Variants in SH3BGRL2 observed in about 807,000 individuals in gnomAD.
The protein encoded by SH3BGRL2 is SH3 domain-binding glutamic acid-rich-like protein 2.
Under a neutral mutation model 14.8 loss-of-function variants are expected in SH3BGRL2, and 21 were observed. The observed-to-expected ratio is 1.42, with a 90% confidence interval of 1.01 to 2.05. The LOEUF is 2.05. SH3BGRL2 is among the 30% of genes most tolerant of loss of function. SH3BGRL2 has a pLI of 0.00. For missense variants in SH3BGRL2, 147 were observed against 130.8 expected (o/e 1.12, Z -0.61); for synonymous variants, 50 against 47.8 (o/e 1.05, Z -0.19).
chr6:79,692,821 G>T (rs1476024024), intron 2 of SH3BGRL2, among the ~76,000 whole-genome samples: 1 of 152,128 alleles, frequency 6.6e-6, no homozygotes, highest in Admixed American at 6.6e-5. Flanking sequence ...TTTGGCTTAG[G>T]ATTGACTTGG....
chr6:79,625,682 G>T, the SH3BGRL2 span, among the ~76,000 whole-genome samples: 1 of 152,110 alleles, frequency 6.6e-6, no homozygotes, highest in Non-Finnish European at 1.5e-5. Context: ...TATTTTGCAT[G>T]ATTAATAATA....
chr6:79,654,931 CT>C (rs1375109712), intron 1 of SH3BGRL2, among the ~76,000 whole-genome samples: 1 of 152,110 alleles, frequency 6.6e-6, no homozygotes, highest in African/African-American at 2.4e-5. Flanking sequence ...GGTTTACATC[CT>C]AGCAGGAAGG....
At chr6:79,564,175 G>A in the SH3BGRL2 span, among the ~76,000 whole-genome samples, 18 of 149,332 alleles carry the variant, frequency 1.2e-4, no homozygotes, top group East Asian at 9.7e-4. Context: ...TATATCTAAC[G>A]ACTTGTGTAT....
At chr6:79,544,262 C>A in the SH3BGRL2 span, among the ~76,000 whole-genome samples, 1 of 152,072 alleles carries the variant, frequency 6.6e-6, no homozygotes. Context: ...CTAGAGCAAG[C>A]CAATGGAGTT....
chr6:79,673,521 T>G (rs1210070794), intron 1 of SH3BGRL2, 93 bp from the exon 2 acceptor site: 3 of 1,285,900 alleles, frequency 2.3e-6, no homozygotes, highest in Middle Eastern at 2.2e-4. Flanking sequence ...CCTCTTTTTT[T>G]GTATCAATGA....
chr6:79,572,675 C>T, the SH3BGRL2 span, among the ~76,000 whole-genome samples: 14 of 152,162 alleles, frequency 9.2e-5, no homozygotes, highest in African/African-American at 3.1e-4. Flanking sequence ...CTGTGTTAGC[C>T]AGGATGGTCT....
chr6:79,603,209 T>C, the SH3BGRL2 span, among the ~76,000 whole-genome samples: 1 of 152,176 alleles, frequency 6.6e-6, no homozygotes, highest in East Asian at 1.9e-4. Context: ...AGGGTGACTC[T>C]AAGTAAAAAT....
At chr6:79,668,467 G>C (rs1169213282) in intron 1 of SH3BGRL2, among the ~76,000 whole-genome samples, 1 of 152,068 alleles carries the variant, frequency 6.6e-6, no homozygotes, top group Non-Finnish European at 1.5e-5. Flanking sequence ...GAGGGCTTGG[G>C]TGCAGGCATT....
chr6:79,613,474 A>G, the SH3BGRL2 span, among the ~76,000 whole-genome samples: 2 of 152,156 alleles, frequency 1.3e-5, no homozygotes, highest in African/African-American at 4.8e-5. Flanking sequence ...GTAGAGTTAT[A>G]CCCTTTCTCA....
At chr6:79,671,993 T>C (rs1418112455) in intron 1 of SH3BGRL2, among the ~76,000 whole-genome samples, 1 of 152,248 alleles carries the variant, frequency 6.6e-6, no homozygotes, top group Non-Finnish European at 1.5e-5. Flanking sequence ...AGGTTTTACC[T>C]GTTTTGTTTT....
At chr6:79,642,047 A>G (rs1004553188) in intron 1 of SH3BGRL2, among the ~76,000 whole-genome samples, 1 of 152,162 alleles carries the variant, frequency 6.6e-6, no homozygotes, top group African/African-American at 2.4e-5. Context: ...CACTCCCTAT[A>G]AAGTGCTTAC....
At chr6:79,592,617 A>C in the SH3BGRL2 span, among the ~76,000 whole-genome samples, 1 of 152,144 alleles carries the variant, frequency 6.6e-6, no homozygotes, top group Admixed American at 6.5e-5. Flanking sequence ...TCAAGATAAA[A>C]ATGGAAAGAT....
intron 2 of SH3BGRL2, among the ~76,000 whole-genome samples, chr6:79,689,793 A>C (rs1474448157): frequency 6.6e-6 from 1 of 152,212 alleles, no homozygotes. Context: ...AAATATAAAC[A>C]TTAAGTCTCA....
intron 1 of SH3BGRL2, among the ~76,000 whole-genome samples, chr6:79,649,985 T>TCTCTCACACACA (rs765159303): frequency 1.3e-4 from 18 of 141,980 alleles, no homozygotes; most frequent in Non-Finnish European, 2.7e-4. Flanking sequence ...TCTCTCTCTC[T>TCTCTCACACACA]CACACACACA....
At chr6:79,651,657 A>G (rs751195953) in intron 1 of SH3BGRL2, among the ~76,000 whole-genome samples, 1 of 152,186 alleles carries the variant, frequency 6.6e-6, no homozygotes, top group East Asian at 1.9e-4. Flanking sequence ...CCTGACTGAG[A>G]CCCATGGGGG....
the SH3BGRL2 span, among the ~76,000 whole-genome samples, chr6:79,613,353 G>A: frequency 6.6e-6 from 1 of 152,178 alleles, no homozygotes; most frequent in Non-Finnish European, 1.5e-5. Context: ...TCATGACCAA[G>A]TGAAGAAAGA....
At chr6:79,630,261 G>A (rs1169417153), upstream of SH3BGRL2, among the ~76,000 whole-genome samples, 1 of 152,106 alleles carries the variant, frequency 6.6e-6, no homozygotes, top group Non-Finnish European at 1.5e-5. Flanking sequence ...ATTGCTCTTT[G>A]TGCAAGAAAT....
At chr6:79,579,681 G>C in the SH3BGRL2 span, among the ~76,000 whole-genome samples, 2 of 152,164 alleles carry the variant, frequency 1.3e-5, no homozygotes, top group Non-Finnish European at 2.9e-5. Context: ...ACCAGTACCA[G>C]CCACTGCAAA....
chr6:79,598,530 C>G, the SH3BGRL2 span, among the ~76,000 whole-genome samples: 1 of 152,032 alleles, frequency 6.6e-6, no homozygotes, highest in African/African-American at 2.4e-5. Context: ...TTGTATGATT[C>G]CAGCTATAGG....
Sources: gnomAD v4.1 joint callset for allele counts (sites outside exome capture counted in the v4.1 genomes callset) on GRCh38, gnomAD v4.1.1 for gene constraint, MANE v1.5 for transcripts, NCBI Gene and HGNC (gene_info 2026-07-23, HGNC 2026-07-21) for gene names.